SPDYE12: variants seen among roughly 807,000 people sequenced by gnomAD.
SPDYE12 encodes speedy/RINGO cell cycle regulator family member E12, also known as speedy protein E12.
the SPDYE12 span, among the ~76,000 whole-genome samples, chr7:74,904,583 C>T: frequency 6.6e-6 from 1 of 151,590 alleles, no homozygotes. Flanking sequence ...AAACCATGCT[C>T]CCCTTCAGCA....
chr7:74,904,884 T>A, the SPDYE12 span, among the ~76,000 whole-genome samples: 1 of 149,160 alleles, frequency 6.7e-6, no homozygotes. Context: ...AATAAACCAA[T>A]AAAATAGATA....
At chr7:74,909,126 A>T in the SPDYE12 span, among the ~76,000 whole-genome samples, 11 of 134,814 alleles carry the variant, frequency 8.2e-5, no homozygotes, top group Admixed American at 2.6e-4. Flanking sequence ...CAACCTTAGC[A>T]TACTGCAACC....
At chr7:74,908,388 G>GGCT in the SPDYE12 span, among the ~76,000 whole-genome samples, 1 of 106,244 alleles carries the variant, frequency 9.4e-6, no homozygotes, top group South Asian at 3.4e-4. Flanking sequence ...AAGATGTTCA[G>GGCT]GCTGCACTAG....
the SPDYE12 span, among the ~76,000 whole-genome samples, chr7:74,914,252 ACTAAG>A: frequency 1.8e-4 from 4 of 21,712 alleles, no homozygotes; most frequent in African/African-American, 5.9e-4. Flanking sequence ...GTACAAAAAG[ACTAAG>A]TCGAAAAATC....
chr7:74,907,842 A>G, the SPDYE12 span, among the ~76,000 whole-genome samples: 1 of 149,456 alleles, frequency 6.7e-6, no homozygotes, highest in Non-Finnish European at 1.5e-5. Context: ...GGATCGCTTG[A>G]GCCCAGGATA....
the SPDYE12 span, chr7:74,909,622 G>C: frequency 7.0e-7 from 1 of 1,434,514 alleles, no homozygotes. Flanking sequence ...TGGAGAGAAA[G>C]GAACACAGAG....
the SPDYE12 span, among the ~76,000 whole-genome samples, chr7:74,908,006 T>C: frequency 1.3e-5 from 2 of 150,540 alleles, no homozygotes; most frequent in Non-Finnish European, 3.0e-5. Context: ...CTGGGAGTAA[T>C]CAGGGGAGAT....
chr7:74,910,621 A>G, the SPDYE12 span, among the ~76,000 whole-genome samples: 63 of 151,132 alleles, frequency 4.2e-4, 3 homozygotes, highest in Admixed American at 4.2e-3. Context: ...CCCAGGAGGC[A>G]TCAGCTGCAG....
At chr7:74,909,555 C>G in the SPDYE12 span, 1 of 1,583,540 alleles carries the variant, frequency 6.3e-7, no homozygotes. Context: ...TTGGTATTGC[C>G]AGGAGGGGAG....
chr7:74,909,687 C>T, the SPDYE12 span: 1 of 1,570,564 alleles, frequency 6.4e-7, no homozygotes, highest in East Asian at 2.2e-5. Flanking sequence ...GAATGGGGGT[C>T]TGGGGAGGGG....
the SPDYE12 span, among the ~76,000 whole-genome samples, chr7:74,909,998 CAT>C: frequency 1.0e-3 from 152 of 150,968 alleles, 8 homozygotes; most frequent in African/African-American, 3.4e-3. Flanking sequence ...CCAAAGGACT[CAT>C]AGGGGAGGCA....
the SPDYE12 span, among the ~76,000 whole-genome samples, chr7:74,908,661 C>CTTTTTTTTTTTTTT: frequency 6.8e-5 from 4 of 58,602 alleles, no homozygotes; most frequent in African/African-American, 3.0e-4. Context: ...GTTTTTTGTT[C>CTTTTTTTTTTTTTT]TTTTTTTTTT....
the SPDYE12 span, among the ~76,000 whole-genome samples, chr7:74,907,790 T>C: frequency 1.3e-5 from 2 of 149,250 alleles, no homozygotes; most frequent in Non-Finnish European, 3.0e-5. Context: ...GGTGTGGTGG[T>C]ACAGCCCTGT....
the SPDYE12 span, among the ~76,000 whole-genome samples, chr7:74,904,557 T>C: frequency 1.3e-5 from 2 of 151,578 alleles, no homozygotes; most frequent in Non-Finnish European, 2.9e-5. Flanking sequence ...ATATGTTAAC[T>C]AAGTATCATA....
the SPDYE12 span, among the ~76,000 whole-genome samples, chr7:74,910,518 C>T: frequency 8.2e-5 from 12 of 146,358 alleles, no homozygotes; most frequent in East Asian, 4.2e-4. Flanking sequence ...GGCAAAACCC[C>T]GTCTCTACTA....
At chr7:74,907,292 G>GGA in the SPDYE12 span, among the ~76,000 whole-genome samples, 1 of 151,156 alleles carries the variant, frequency 6.6e-6, no homozygotes, top group African/African-American at 2.4e-5. Context: ...CCTTCAGGAT[G>GGA]GAGACAAAAA....
the SPDYE12 span, chr7:74,907,102 A>G: frequency 6.7e-7 from 1 of 1,498,806 alleles, no homozygotes; most frequent in South Asian, 1.1e-5. Flanking sequence ...ATAGCTGAGG[A>G]CAGAAATCAG....
chr7:74,909,470 C>T, the SPDYE12 span: 43 of 1,209,060 alleles, frequency 3.6e-5, no homozygotes, highest in Middle Eastern at 5.4e-4. Context: ...CCACTTCCCC[C>T]GCTGTCCCAG....
chr7:74,906,995 C>T, the SPDYE12 span: 10 of 1,591,410 alleles, frequency 6.3e-6, no homozygotes, highest in African/African-American at 2.7e-5. Context: ...AACCAAAGCT[C>T]ACGGAGCAAG....
Sources: allele counts gnomAD v4.1 joint callset (sites outside exome capture counted in the v4.1 genomes callset), GRCh38; gene constraint gnomAD v4.1.1; transcripts MANE v1.5; gene names NCBI Gene and HGNC (gene_info 2026-07-23, HGNC 2026-07-21).